TIMM8B: variants seen among roughly 807,000 people sequenced by gnomAD.
The protein encoded by TIMM8B is mitochondrial import inner membrane translocase subunit Tim8 B.
In TIMM8B, 5 loss-of-function variants were observed where a neutral mutation model predicts 8.5. The observed-to-expected ratio is 0.59, with a 90% confidence interval of 0.31 to 1.24. The LOEUF is 1.24. Ranked by LOEUF, TIMM8B falls within the 50% of genes most tolerant of loss-of-function variation. TIMM8B has a pLI of 0.07. For synonymous variants in TIMM8B, 44 were observed against 39.9 expected (o/e 1.10, Z -0.39); for missense variants, 104 against 109.2 (o/e 0.95, Z 0.21).
Position 112,086,707 on chromosome 11 carries a change from T to TCGCCCAGCTC in TIMM8B, c.7_16dup (p.Glu6GlyfsTer7). On this transcript the variant is annotated frameshift_variant, in exon 1 of 2. Transcript: ENST00000504148. LOFTEE classifies it high-confidence loss of function. The stretch of plus-strand genomic sequence containing the variant: ...GCGCTGCAACTCCGCTTCATCGGCT[T>TCGCCCAGCTC]CGCCCAGCTCCGCCATTGTTCGCCT... 1.2e-6 allele frequency: 2 copies of TCGCCCAGCTC among 1,602,894 alleles called. No individual in the cohort carries two copies. The highest frequency in any genetic ancestry group is 1.7e-6 in the Non-Finnish European group (2 of 1,177,512).
intron 1 of TIMM8B, chr11:112,086,273 C>A: frequency 2.0e-6 from 1 of 493,362 alleles, no homozygotes; most frequent in Non-Finnish European, 3.9e-6. Context: ...GACACCAAAA[C>A]CCACAGTGGA....
chr11:112,085,423 C>T lies in TIMM8B; in HGVS notation c.124G>A (p.Glu42Lys), dbSNP rs767768213. 26 of 1,613,878 alleles carry T rather than the reference C, an allele frequency of 1.6e-5. No homozygotes were observed. The Admixed American group carries it at 4.3e-4, about 27-fold the overall frequency. Residue 42 changes from glutamate (E) to lysine (K), a missense_variant, in exon 2 of 2, where the codon GAG becomes AAG. Coordinates refer to ENST00000504148, the MANE Select transcript of TIMM8B (RefSeq NM_012459.4). ...FMELCWDKCV[E>K]KPGNRLDSRT... ...GAGTCTAGGCGATTCCCTGGCTTCT[C>T]CACACATTTATCCCAACATAACTCC...
intron 1 of TIMM8B, chr11:112,086,045 C>T: frequency 3.4e-6 from 4 of 1,173,390 alleles, no homozygotes; most frequent in Non-Finnish European, 4.3e-6. Context: ...GTCATCACCT[C>T]CCATTTAAGA....
Position 112,085,320 on chromosome 11 carries a change from T to C in TIMM8B, c.227A>G (p.Gln76Arg). 6.2e-7 allele frequency: 1 copy of C among 1,612,586 alleles called. No homozygotes were observed. The highest frequency in any genetic ancestry group is 8.5e-7 in the Non-Finnish European group (1 of 1,179,908). Residue 76 changes from glutamine (Q) to arginine (R), a missense_variant, in exon 2 of 2, where the codon CAG (glutamine) becomes CGG (arginine). By Grantham distance (43) the Gln-to-Arg change is conservative. Transcript: ENST00000504148. Reference protein sequence around the residue: ...TTLAITSRFAQIVQKGGQ With the variant: ...TTLAITSRFARIVQKGGQ The stretch of plus-strand genomic sequence containing the variant: ...CTACTGCCCTCCTTTCTGTACAATC[T>C]GGGCAAACCGACTGGTGATGGCAAG...
rs184311742 is a variant in TIMM8B, at chr11:112,086,623, C to T, written c.84+17G>A. ...AAGGTGAAACTTCCTTTCCCTTCACCCTCCCCGTCCCCGCACCTGTGCAGT... is the reference window on the plus strand; with the variant it reads ...AAGGTGAAACTTCCTTTCCCTTCACTCTCCCCGTCCCCGCACCTGTGCAGT... On this transcript the variant is annotated intron_variant, in intron 1 of 1. Transcript: ENST00000504148. 1.3e-5 allele frequency: 21 copies of T among 1,577,094 alleles called. 1 individual carries two copies. The East Asian group carries it at 4.3e-4, about 32-fold the overall frequency.
chr11:112,085,079 C>T lies in TIMM8B; in HGVS notation c.*216G>A. Reference sequence around the variant, plus strand: ...ATTAAAAGAAGAGTTGGAGAATTCACACTTATTGAGTAACTGATGTCATAC... The same window carrying T: ...ATTAAAAGAAGAGTTGGAGAATTCATACTTATTGAGTAACTGATGTCATAC... On this transcript the variant is annotated 3_prime_UTR_variant, in exon 2 of 2. Transcript: ENST00000504148. 1 of 422,602 alleles carries T rather than the reference C, an allele frequency of 2.4e-6. No homozygotes were observed. Among genetic ancestry groups the T allele is most frequent in the Non-Finnish European group, 4.2e-6 (1 of 236,878 alleles). 26.2% of individuals were successfully genotyped at this position (422,602 alleles called of 1,614,324 possible).
At chr11:112,085,734 A>G (rs1288331895) in intron 1 of TIMM8B, among the ~76,000 whole-genome samples, 1 of 152,024 alleles carries the variant, frequency 6.6e-6, no homozygotes, top group Non-Finnish European at 1.5e-5. Flanking sequence ...GAACCAATTA[A>G]TTTTCCCAAA....
chr11:112,086,444 C>T, intron 1 of TIMM8B, 196 bp downstream of exon 1: 3 of 881,150 alleles, frequency 3.4e-6, no homozygotes, highest in Non-Finnish European at 5.4e-6. Flanking sequence ...TTTCTCCACG[C>T]TACGCTTATA....
chr11:112,085,818 G>A (rs1177336232), intron 1 of TIMM8B: 1 of 231,420 alleles, frequency 4.3e-6, no homozygotes, highest in East Asian at 1.1e-4. Context: ...GGGGGTTATG[G>A]ATCCACTCCC....
chr11:112,086,494 G>T, intron 1 of TIMM8B, 146 bp downstream of exon 1: 1 of 1,223,720 alleles, frequency 8.2e-7, no homozygotes, highest in Non-Finnish European at 1.1e-6. Flanking sequence ...AGGGACAGGA[G>T]AGCCATAACT....
Position 112,085,346 on chromosome 11 carries a change from A to C in TIMM8B, c.201T>G (p.Thr67=), listed in dbSNP as rs1566685859. ...GGGCAAACCGACTGGTGATGGCAAGAGTGGTGTCAATGAAGCGGTCTACAC... is the reference window on the plus strand; with the variant it reads ...GGGCAAACCGACTGGTGATGGCAAGCGTGGTGTCAATGAAGCGGTCTACAC... The part of the protein sequence containing the change: ...SSCVDRFIDT[T]LAITSRFAQI... The change falls in exon 2 of 2, where the codon ACT becomes ACG. Residue 67 remains threonine (T), a synonymous_variant. Transcript: ENST00000504148. 1 of 1,613,224 alleles carries C rather than the reference A, an allele frequency of 6.2e-7. No individual in the cohort carries two copies. The highest frequency in any genetic ancestry group is 2.2e-5 in the East Asian group (1 of 44,878).
chr11:112,085,190 A>G lies in TIMM8B; in HGVS notation c.*105T>C, dbSNP rs1349565943. ...CTTTTTAGCACCAACAGACTTGATA[A>G]CAGCCTGATGCTGATCTGACAATGG... On this transcript the variant is annotated 3_prime_UTR_variant, in exon 2 of 2. Transcript: ENST00000504148. 2.4e-6 allele frequency: 2 copies of G among 846,974 alleles called. No homozygotes were observed. The highest frequency in any genetic ancestry group is 3.5e-6 in the Non-Finnish European group (2 of 575,238). 52.5% of individuals were successfully genotyped at this position (846,974 alleles called of 1,614,324 possible).
Position 112,085,333 on chromosome 11 carries a change from T to C in TIMM8B, c.214A>G (p.Ser72Gly), listed in dbSNP as rs781276488. 6.2e-7 allele frequency: 1 copy of C among 1,613,002 alleles called. No homozygotes were observed. The highest frequency in any genetic ancestry group is 8.5e-7 in the Non-Finnish European group (1 of 1,179,930). ...RFIDTTLAIT[S>G]RFAQIVQKGG... ...TTCTGTACAATCTGGGCAAACCGAC[T>C]GGTGATGGCAAGAGTGGTGTCAATG... The change falls in exon 2 of 2, where the codon AGT (serine) becomes GGT (glycine). Residue 72 changes from serine to glycine, a missense_variant. By Grantham distance (56) the Ser-to-Gly change is moderately conservative. Transcript: ENST00000504148.
chr11:112,085,923 C>G, intron 1 of TIMM8B: 1 of 855,542 alleles, frequency 1.2e-6, no homozygotes, highest in East Asian at 7.6e-5. Context: ...GCTGGTCATC[C>G]GAGCACCCTC....
Position 112,085,432 on chromosome 11 carries a change from T to A in TIMM8B, c.115A>T (p.Lys39Ter). The A allele has an allele frequency of 6.2e-7, 1 of 1,613,980 alleles. No homozygotes were observed. The highest frequency in any genetic ancestry group is 1.3e-5 in the African/African-American group (1 of 75,036). Reference protein sequence around the residue: ...VHHFMELCWDKCVEKPGNRLD... With the variant: ...VHHFMELCWD Reference sequence around the variant, plus strand: ...CGATTCCCTGGCTTCTCCACACATTTATCCCAACATAACTCCATGAAGTGA... The same window carrying A: ...CGATTCCCTGGCTTCTCCACACATTAATCCCAACATAACTCCATGAAGTGA... The change falls in exon 2 of 2, where the codon AAA (lysine) becomes TAA (stop). Residue 39 changes from lysine (K) to a stop codon, truncating the protein, a stop_gained. Transcript: ENST00000504148. LOFTEE classifies it high-confidence loss of function.
intron 1 of TIMM8B, chr11:112,086,023 T>G: frequency 8.6e-7 from 1 of 1,163,248 alleles, no homozygotes; most frequent in Non-Finnish European, 1.1e-6. Flanking sequence ...TCTAAGGTCC[T>G]CAAGGATAGC....
chr11:112,085,429 A>G lies in TIMM8B; in HGVS notation c.118T>C (p.Cys40Arg). 6.2e-7 allele frequency: 1 copy of G among 1,614,044 alleles called. No homozygotes were observed. The highest frequency in any genetic ancestry group is 8.5e-7 in the Non-Finnish European group (1 of 1,179,904). The change falls in exon 2 of 2, where the codon TGT (cysteine) becomes CGT (arginine). Residue 40 changes from cysteine to arginine, a missense_variant. Physicochemically the swap from Cys to Arg is radical, Grantham distance 180 (BLOSUM62 -3). Transcript: ENST00000504148. ...HHFMELCWDK[C>R]VEKPGNRLDS... ...AGGCGATTCCCTGGCTTCTCCACACATTTATCCCAACATAACTCCATGAAG... is the reference window on the plus strand; with the variant it reads ...AGGCGATTCCCTGGCTTCTCCACACGTTTATCCCAACATAACTCCATGAAG...
In TIMM8B at chr11:112,085,441, A is replaced by G; in HGVS notation, c.106T>C (p.Cys36Arg). The stretch of plus-strand genomic sequence containing the variant: ...GGCTTCTCCACACATTTATCCCAAC[A>G]TAACTCCATGAAGTGATGCACCTAA... ...TAQVHHFMEL[C>R]WDKCVEKPGN... Residue 36 changes from cysteine (C) to arginine (R), a missense_variant, in exon 2 of 2, where the codon TGT becomes CGT. Physicochemically the swap from Cys to Arg is radical, Grantham distance 180. Transcript: ENST00000504148. The G allele has an allele frequency of 1.9e-6, 3 of 1,613,920 alleles. No individual in the cohort carries two copies. Among genetic ancestry groups the G allele is most frequent in the Non-Finnish European group, 8.5e-7 (1 of 1,179,846 alleles).
rs1219946439 is a variant in TIMM8B at position 112,084,969 on chromosome 11, T to C, written c.*326A>G. ...TAGGGTGGTTTTTCAAAACCTACAATCCCCCATTTGCACTACTGGCCATGG... is the reference window on the plus strand; with the variant it reads ...TAGGGTGGTTTTTCAAAACCTACAACCCCCCATTTGCACTACTGGCCATGG... On this transcript the variant is annotated 3_prime_UTR_variant, in exon 2 of 2. Coordinates refer to ENST00000504148, the MANE Select transcript of TIMM8B (RefSeq NM_012459.4). 5.1e-6 allele frequency: 1 copy of C among 197,404 alleles called. No individual in the cohort carries two copies. The highest frequency in any genetic ancestry group is 5.8e-5 in the Admixed American group (1 of 17,382). 12.2% of individuals were successfully genotyped at this position (197,404 alleles called of 1,614,324 possible).
Sources: allele counts gnomAD v4.1 joint callset (sites outside exome capture counted in the v4.1 genomes callset), GRCh38; gene constraint gnomAD v4.1.1; transcripts MANE v1.5; gene names NCBI Gene and HGNC (gene_info 2026-07-23, HGNC 2026-07-21).